The following BUB1B variants were observed in gnomAD, a reference collection of about 807,000 sequenced individuals.
BUB1B encodes the protein mitotic checkpoint serine/threonine-protein kinase BUB1 beta.
A neutral mutation model predicts 137.7 loss-of-function variants in BUB1B; 86 were observed. That is an observed-to-expected ratio of 0.62 (90% CI 0.52 to 0.75). The LOEUF is 0.75. BUB1B is among the 30% of genes least tolerant of loss of function. The pLI, the probability that BUB1B is intolerant of heterozygous loss-of-function variation, is 0.00. For synonymous variants in BUB1B, 420 were observed against 417.9 expected (o/e 1.00, Z -0.06); for missense variants, 1,130 against 1,236.9 (o/e 0.91, Z 1.30).
rs138685783 is a variant in BUB1B, at chr15:40,215,496, G to A, written c.2679-2000G>A. ...TCAAAAAAAAAGCCAGAGGCCGGGC[G>A]CAGTAGCTCACGCCTGTAATCCCAG... On this transcript the variant is annotated intron_variant, in intron 20 of 22. Coordinates refer to ENST00000287598, the MANE Select transcript of BUB1B (RefSeq NM_001211.6). Among the ~76,000 whole-genome samples, 403 of 152,014 alleles carry A rather than the reference G, an allele frequency of 2.7e-3. 9 individuals are homozygous for A. Among genetic ancestry groups the A allele is most frequent in the Admixed American group, 0.021 (318 of 15,270 alleles).
intron 5 of BUB1B, among the ~76,000 whole-genome samples, chr15:40,176,909 G>T (rs1182489644): frequency 2.6e-5 from 4 of 152,042 alleles, no homozygotes; most frequent in Non-Finnish European, 5.9e-5. Context: ...ACAAGATACA[G>T]AATAATTTCA....
intron 5 of BUB1B, among the ~76,000 whole-genome samples, chr15:40,177,762 G>T (rs1385903950): frequency 6.7e-6 from 1 of 150,360 alleles, no homozygotes; most frequent in Non-Finnish European, 1.5e-5. Flanking sequence ...GATTATACAG[G>T]AATATGGTAT....
Position 40,170,647 on chromosome 15 carries a change from G to T in BUB1B, c.350G>T (p.Ser117Ile). 1.9e-6 allele frequency: 3 copies of T among 1,613,764 alleles called. No individual in the cohort carries two copies. Among genetic ancestry groups the T allele is most frequent in the Non-Finnish European group, 2.5e-6 (3 of 1,179,782 alleles). Residue 117 changes from serine to isoleucine, a missense_variant, in exon 4 of 23, where the codon AGT becomes ATT. By Grantham distance (142) the Ser-to-Ile change is moderately radical. Transcript: ENST00000287598. ...EALQGEKRYY[S>I]DPRFLNLWLK... ...CTACAAGGAGAAAAACGATATTATAGTGATCCTCGATTTCTCAATCTCTGG... is the reference window on the plus strand; with the variant it reads ...CTACAAGGAGAAAAACGATATTATATTGATCCTCGATTTCTCAATCTCTGG...
At chr15:40,182,195 C>G (rs62020029) in intron 5 of BUB1B, among the ~76,000 whole-genome samples, 17,484 of 152,226 alleles carry the variant, frequency 0.11, 1,183 homozygotes, top group Non-Finnish European at 0.15. Flanking sequence ...CAGAATGAGA[C>G]TCCATCTCAA....
At chr15:40,186,763 T>C (rs948223398) in intron 8 of BUB1B, among the ~76,000 whole-genome samples, 9 of 152,056 alleles carry the variant, frequency 5.9e-5, no homozygotes, top group Admixed American at 1.3e-4. Flanking sequence ...AATACTAGGT[T>C]GAATTCTGTC....
At chr15:40,208,559 C>T (rs578238564) in intron 15 of BUB1B, 78 bp from the exon 16 acceptor site, 1 of 1,398,884 alleles carries the variant, frequency 7.1e-7, no homozygotes, top group East Asian at 2.5e-5. Flanking sequence ...AAAATGTATA[C>T]ATTAAGAATT....
In BUB1B at chr15:40,217,489, G is replaced by A. The variant is rs2037811476; in HGVS notation, c.2679-7G>A. 1.2e-6 allele frequency: 2 copies of A among 1,613,446 alleles called. No homozygotes were observed. The highest frequency in any genetic ancestry group is 1.7e-5 in the Admixed American group (1 of 59,944). Reference sequence around the variant, plus strand: ...TTATTATCTCCTTCTCTTAAATCTGGGCTCAGAATCCACGATCCCTATGAT... The same window carrying A: ...TTATTATCTCCTTCTCTTAAATCTGAGCTCAGAATCCACGATCCCTATGAT... On this transcript the variant is annotated splice_polypyrimidine_tract_variant and splice_region_variant and intron_variant, in intron 20 of 22. Coordinates refer to ENST00000287598, the MANE Select transcript of BUB1B (RefSeq NM_001211.6).
intron 8 of BUB1B, among the ~76,000 whole-genome samples, chr15:40,195,902 C>T (rs941523930): frequency 6.6e-6 from 1 of 152,058 alleles, no homozygotes; most frequent in Non-Finnish European, 1.5e-5. Flanking sequence ...ATGCATAGAT[C>T]GTGAAGATTT....
intron 20 of BUB1B, 119 bp from the exon 21 acceptor site, chr15:40,217,377 G>A (rs2037808779): frequency 2.9e-6 from 3 of 1,046,544 alleles, no homozygotes; most frequent in Non-Finnish European, 1.5e-6. Context: ...ATTAACCACT[G>A]GAGGGAGTTG....
At chr15:40,191,180 G>A (rs553813904) in intron 8 of BUB1B, among the ~76,000 whole-genome samples, 9 of 152,274 alleles carry the variant, frequency 5.9e-5, no homozygotes, top group East Asian at 3.9e-4. Flanking sequence ...GAGCCACTGC[G>A]CCTGGCCAGA....
intron 3 of BUB1B, 94 bp from the exon 4 acceptor site, chr15:40,170,443 T>G: frequency 6.9e-7 from 1 of 1,448,962 alleles, no homozygotes; most frequent in Non-Finnish European, 9.6e-7. Flanking sequence ...AGAAACATAC[T>G]TTACTTCTGC....
intron 20 of BUB1B, among the ~76,000 whole-genome samples, chr15:40,214,878 C>T (rs1390520215): frequency 3.6e-5 from 5 of 139,350 alleles, no homozygotes; most frequent in Admixed American, 1.5e-4. Context: ...TCCCCTAAGC[C>T]GTTGTGACCA....
intron 4 of BUB1B, among the ~76,000 whole-genome samples, chr15:40,172,157 G>C (rs1185160541): frequency 6.7e-6 from 1 of 149,370 alleles, no homozygotes; most frequent in Non-Finnish European, 1.5e-5. Flanking sequence ...CTTACTAAAA[G>C]TAATAAAGTA....
intron 18 of BUB1B, among the ~76,000 whole-genome samples, chr15:40,211,256 A>G (rs903601852): frequency 6.6e-6 from 1 of 151,618 alleles, no homozygotes; most frequent in African/African-American, 2.4e-5. Context: ...CCCCTTTGTC[A>G]TCTGTTTCTT....
At position 40,217,491 on chromosome 15, in the gene BUB1B, C is replaced by T; in HGVS notation, c.2679-5C>T. 6.2e-7 allele frequency: 1 copy of T among 1,613,794 alleles called. No individual in the cohort carries two copies. The highest frequency in any genetic ancestry group is 8.5e-7 in the Non-Finnish European group (1 of 1,179,862). On this transcript the variant is annotated splice_polypyrimidine_tract_variant and splice_region_variant and intron_variant, in intron 20 of 22. Coordinates refer to ENST00000287598, the MANE Select transcript of BUB1B (RefSeq NM_001211.6). ...ATTATCTCCTTCTCTTAAATCTGGG[C>T]TCAGAATCCACGATCCCTATGATTG... is the stretch of plus-strand genomic sequence containing the variant.
In BUB1B at chr15:40,199,648, A is replaced by C; in HGVS notation, c.1322A>C (p.Glu441Ala). 1 of 1,614,088 alleles carries C rather than the reference A, an allele frequency of 6.2e-7. No individual in the cohort carries two copies. The highest frequency in any genetic ancestry group is 8.5e-7 in the Non-Finnish European group (1 of 1,179,958). ...TTGACCAGTGCAGAGAAGAGAGCAGAAATGCAGAAACAGATTGAAGAGATG... is the reference window on the plus strand; with the variant it reads ...TTGACCAGTGCAGAGAAGAGAGCAGCAATGCAGAAACAGATTGAAGAGATG... ...ELLTSAEKRA[E>A]MQKQIEEMEK... Residue 441 changes from glutamate (E) to alanine (A), a missense_variant, in exon 10 of 23, where the codon GAA becomes GCA. Coordinates refer to ENST00000287598, the MANE Select transcript of BUB1B (RefSeq NM_001211.6).
chr15:40,219,561 T>C (rs1163102256), intron 22 of BUB1B, among the ~76,000 whole-genome samples: 1 of 152,032 alleles, frequency 6.6e-6, no homozygotes, highest in Non-Finnish European at 1.5e-5. Flanking sequence ...CTACTCAAAA[T>C]ACAAGAAAAT....
intron 2 of BUB1B, among the ~76,000 whole-genome samples, chr15:40,169,696 C>G (rs1376353293): frequency 1.3e-5 from 2 of 150,220 alleles, no homozygotes; most frequent in Non-Finnish European, 3.0e-5. Context: ...TCACTGCAGC[C>G]TCTACTTCCA....
intron 5 of BUB1B, among the ~76,000 whole-genome samples, chr15:40,177,019 A>G (rs1006811624): frequency 3.3e-5 from 5 of 152,204 alleles, no homozygotes; most frequent in African/African-American, 1.2e-4. Flanking sequence ...TGCCTTTTCC[A>G]GACTGCCATA....
Sources: allele counts gnomAD v4.1 joint callset (sites outside exome capture counted in the v4.1 genomes callset), GRCh38; gene constraint gnomAD v4.1.1; transcripts MANE v1.5; gene names NCBI Gene and HGNC (gene_info 2026-07-23, HGNC 2026-07-21).